The following STK17A variants were observed in gnomAD, a reference collection of about 807,000 sequenced individuals.
STK17A encodes the protein serine/threonine-protein kinase 17A.
A neutral mutation model predicts 43.7 loss-of-function variants in STK17A; 26 were observed. The ratio of observed to expected loss-of-function variants is 0.60; its 90% CI spans 0.44 to 0.83. STK17A has a LOEUF of 0.83. Ranked by LOEUF, STK17A falls within the 40% of genes least tolerant of loss-of-function variation. The pLI is 0.00. For synonymous variants in STK17A, 191 were observed against 182.5 expected (o/e 1.05, Z -0.38); for missense variants, 476 against 511.6 (o/e 0.93, Z 0.67).
At chr7:43,596,158 C>T (rs377584533) in intron 2 of STK17A, 45 bp downstream of exon 2, 3 of 1,540,360 alleles carry the variant, frequency 1.9e-6, no homozygotes, top group Non-Finnish European at 2.7e-6. Flanking sequence ...GTAGTCTACA[C>T]TTCCTTTACG....
chr7:43,606,616 AG>A (rs2082591593), intron 2 of STK17A, among the ~76,000 whole-genome samples: 1 of 152,188 alleles, frequency 6.6e-6, no homozygotes. Context: ...AGATAGAAAA[AG>A]CAAAGCTATT....
intron 2 of STK17A, among the ~76,000 whole-genome samples, chr7:43,599,524 G>A (rs1406819387): frequency 6.6e-6 from 1 of 152,052 alleles, no homozygotes; most frequent in Non-Finnish European, 1.5e-5. Flanking sequence ...ATCCTTTTTT[G>A]AAGGAACAAT....
intron 1 of STK17A, among the ~76,000 whole-genome samples, chr7:43,593,185 T>G (rs577871419): frequency 6.6e-6 from 1 of 152,320 alleles, no homozygotes; most frequent in Admixed American, 6.5e-5. Context: ...TTGAGTCATC[T>G]CACTTAGGAT....
chr7:43,627,283 G>A lies in STK17A; in HGVS notation c.*2441G>A, dbSNP rs887733578. ...TAATTAATACCTTTCTCTAGTAGTG[G>A]TATAGAGGAAGGACAGATGCTCATT... On this transcript the variant is annotated 3_prime_UTR_variant, in exon 7 of 7. Coordinates refer to ENST00000319357, the MANE Select transcript of STK17A (RefSeq NM_004760.3). Among the ~76,000 whole-genome samples the A allele has an allele frequency of 1.3e-5, 2 of 152,138 alleles. No individual in the cohort carries two copies. The highest frequency in any genetic ancestry group is 2.9e-5 in the Non-Finnish European group (2 of 68,018).
intron 1 of STK17A, among the ~76,000 whole-genome samples, chr7:43,584,847 G>T (rs1029354355): frequency 3.4e-4 from 51 of 152,218 alleles, no homozygotes; most frequent in African/African-American, 1.2e-3. Flanking sequence ...TGACTTAGCT[G>T]TGTATTCTAA....
intron 2 of STK17A, among the ~76,000 whole-genome samples, chr7:43,599,030 G>A (rs1583552303): frequency 6.6e-6 from 1 of 152,184 alleles, no homozygotes; most frequent in East Asian, 1.9e-4. Flanking sequence ...CTCCCAAAGT[G>A]CTGGGATTAC....
intron 3 of STK17A, among the ~76,000 whole-genome samples, chr7:43,616,400 T>C (rs532344848): frequency 1.3e-5 from 2 of 152,320 alleles, no homozygotes; most frequent in South Asian, 4.1e-4. Context: ...GTTATGTTTC[T>C]TCCATTCATT....
rs533359127 is a variant in STK17A at position 43,627,148 on chromosome 7, T to C, written c.*2306T>C. Among the ~76,000 whole-genome samples, 5 of 152,344 alleles carry C rather than the reference T, an allele frequency of 3.3e-5. No homozygotes were observed. In the South Asian group the frequency reaches 8.3e-4, roughly 25 times the overall value. On this transcript the variant is annotated 3_prime_UTR_variant, in exon 7 of 7. Coordinates refer to ENST00000319357, the MANE Select transcript of STK17A (RefSeq NM_004760.3). ...TAACTATAATTCAACAATATTTTGG[T>C]GTGGTGAAACGTTGTTTATGAAATG...
chr7:43,583,555 T>C, intron 1 of STK17A, 106 bp downstream of exon 1: 1 of 999,556 alleles, frequency 1.0e-6, no homozygotes. Flanking sequence ...GTGGCGTTGC[T>C]GCTGCCGATA....
At chr7:43,604,067 GTGAACT>G (rs2082573386) in intron 2 of STK17A, among the ~76,000 whole-genome samples, 1 of 152,104 alleles carries the variant, frequency 6.6e-6, no homozygotes, top group Admixed American at 6.6e-5. Flanking sequence ...TAGTTGTTGT[GTGAACT>G]AGAGTATAAT....
At chr7:43,623,541 A>T in intron 4 of STK17A, 31 bp from the exon 5 acceptor site, 1 of 1,596,474 alleles carries the variant, frequency 6.3e-7, no homozygotes, top group Non-Finnish European at 8.5e-7. Context: ...TTTCCACAAA[A>T]CTAAATGTTT....
chr7:43,584,943 TC>T (rs2082428359), intron 1 of STK17A, among the ~76,000 whole-genome samples: 1 of 152,216 alleles, frequency 6.6e-6, no homozygotes, highest in Non-Finnish European at 1.5e-5. Flanking sequence ...ACGCCCATAA[TC>T]CCAGCCCTTT....
At position 43,589,449 on chromosome 7, in the gene STK17A, A is replaced by G. The variant is rs369484404; in HGVS notation, c.206+6000A>G. Among the ~76,000 whole-genome samples the G allele has an allele frequency of 2.0e-5, 3 of 151,576 alleles. No individual in the cohort carries two copies. The South Asian group carries it at 6.2e-4, about 31-fold the overall frequency. On this transcript the variant is annotated intron_variant, in intron 1 of 6. Transcript: ENST00000319357. ...TTAGCATGTGCATTTTCTGATGTTT[A>G]CCTGAATGTTATATATTCTATTATC... is the stretch of plus-strand genomic sequence containing the variant.
chr7:43,587,344 CAG>C (rs1381891251), intron 1 of STK17A, among the ~76,000 whole-genome samples: 1 of 150,658 alleles, frequency 6.6e-6, no homozygotes, highest in African/African-American at 2.4e-5. Context: ...TTAGTAGAGA[CAG>C]GGGAAAGGAT....
intron 1 of STK17A, 129 bp downstream of exon 1, chr7:43,583,578 AC>A (rs2082417349): frequency 1.2e-6 from 1 of 858,838 alleles, no homozygotes; most frequent in Non-Finnish European, 1.5e-6. Flanking sequence ...GCGCGTTGTG[AC>A]TTGGCACAAA....
chr7:43,608,934 A>G (rs1046004650), intron 3 of STK17A: 4 of 152,454 alleles, frequency 2.6e-5, no homozygotes, highest in African/African-American at 9.7e-5. Context: ...AATTAAAGAG[A>G]TTAGAGGCAG....
rs2082412103 is a variant in STK17A, at chr7:43,583,212, A to C, written c.-32A>C. ...GACCCTCCGGCTGCTCGGAGTGAAC[A>C]GGCGGCCAGGAAAGAAGCGGGCCTG... On this transcript the variant is annotated 5_prime_UTR_variant, in exon 1 of 7. Transcript: ENST00000319357. 3.2e-6 allele frequency: 5 copies of C among 1,553,478 alleles called. No homozygotes were observed. Among genetic ancestry groups the C allele is most frequent in the Non-Finnish European group, 3.5e-6 (4 of 1,151,680 alleles).
chr7:43,617,511 T>G (rs2083460638), intron 3 of STK17A, among the ~76,000 whole-genome samples: 3 of 151,904 alleles, frequency 2.0e-5, no homozygotes, highest in Non-Finnish European at 4.4e-5. Context: ...ATGGCCAAGA[T>G]GATTGTTAGT....
intron 2 of STK17A, among the ~76,000 whole-genome samples, chr7:43,601,096 G>T (rs1284896955): frequency 6.6e-6 from 1 of 152,154 alleles, no homozygotes; most frequent in Non-Finnish European, 1.5e-5. Context: ...TATTGTCAAA[G>T]ATTTAAAATA....
Sources: allele counts gnomAD v4.1 joint callset (sites outside exome capture counted in the v4.1 genomes callset), GRCh38; gene constraint gnomAD v4.1.1; transcripts MANE v1.5; gene names NCBI Gene and HGNC (gene_info 2026-07-23, HGNC 2026-07-21).